PIP5K1C: variants seen among roughly 807,000 people sequenced by gnomAD.
PIP5K1C encodes phosphatidylinositol 4-phosphate 5-kinase type-1 gamma.
Under a neutral mutation model 80.1 loss-of-function variants are expected in PIP5K1C, and 45 were observed. That is an observed-to-expected ratio of 0.56 (90% CI 0.44 to 0.72). The LOEUF (loss-of-function observed/expected upper bound fraction) is 0.72. Ranked by LOEUF, PIP5K1C falls within the 30% of genes least tolerant of loss-of-function variation. The pLI is 0.00. For synonymous variants in PIP5K1C, 498 were observed against 420.1 expected (o/e 1.19, Z -2.27); for missense variants, 753 against 954.6 (o/e 0.79, Z 2.78).
intron 1 of PIP5K1C, among the ~76,000 whole-genome samples, chr19:3,672,262 T>C (rs1476797488): frequency 6.6e-6 from 1 of 152,194 alleles, no homozygotes; most frequent in African/African-American, 2.4e-5. Context: ...CACCCAGCTG[T>C]TCCCTGGCCT....
rs111966453 is a variant in PIP5K1C, at chr19:3,644,730, G to A, written c.1346-479C>T. Among the ~76,000 whole-genome samples the A allele has an allele frequency of 4.6e-3, 699 of 152,342 alleles. 7 individuals are homozygous for A. The highest frequency in any genetic ancestry group is 0.016 in the African/African-American group (670 of 41,578). ...GCTCACCCGCTGGCTGTGCGGCTCG[G>A]TCTCTCTGGGCCCTGGGGGCCGACC... is the stretch of plus-strand genomic sequence containing the variant. On this transcript the variant is annotated intron_variant, in intron 11 of 17. Coordinates refer to ENST00000335312, the MANE Select transcript of PIP5K1C (RefSeq NM_012398.3).
chr19:3,635,245 G>A (rs1435225514), intron 16 of PIP5K1C, among the ~76,000 whole-genome samples: 1 of 152,222 alleles, frequency 6.6e-6, no homozygotes, highest in African/African-American at 2.4e-5. Flanking sequence ...TTCTGCTACA[G>A]CATTAGAAAC....
chr19:3,661,822 A>C, intron 4 of PIP5K1C, 49 bp downstream of exon 4: 1 of 1,604,934 alleles, frequency 6.2e-7, no homozygotes, highest in Non-Finnish European at 8.5e-7. Flanking sequence ...TCCGCCTCAG[A>C]GCCACGTGTG....
At chr19:3,643,078 T>C (rs1286391085) in intron 13 of PIP5K1C, 139 bp from the exon 14 acceptor site, 26 of 1,452,262 alleles carry the variant, frequency 1.8e-5, no homozygotes, top group Admixed American at 8.7e-5. Context: ...CTCCCACACA[T>C]TGGATGCTCC....
At chr19:3,660,862 G>A (rs529973799) in intron 5 of PIP5K1C, 104 bp downstream of exon 5, 14 of 862,022 alleles carry the variant, frequency 1.6e-5, no homozygotes, top group South Asian at 1.1e-4. Context: ...CCCTACACGA[G>A]GAACCCAGGG....
intron 5 of PIP5K1C, 113 bp downstream of exon 5, chr19:3,660,853 C>G (rs941773308): frequency 1.0e-5 from 8 of 803,664 alleles, no homozygotes; most frequent in Non-Finnish European, 1.5e-5. Flanking sequence ...TGACCATAAC[C>G]CTACACGAGG....
At chr19:3,638,097 T>C (rs938492045) in intron 16 of PIP5K1C, 4 of 1,412,444 alleles carry the variant, frequency 2.8e-6, no homozygotes, top group Non-Finnish European at 3.7e-6. Context: ...CCAGCCCTCC[T>C]TCCCAGGGGG....
chr19:3,698,325 G>A (rs1349872939), intron 1 of PIP5K1C, among the ~76,000 whole-genome samples: 9 of 152,220 alleles, frequency 5.9e-5, no homozygotes, highest in African/African-American at 2.2e-4. Flanking sequence ...CTGAAGCCCG[G>A]GGAAGTGACG....
At chr19:3,677,973 GGAAT>G (rs2035427989) in intron 1 of PIP5K1C, among the ~76,000 whole-genome samples, 1 of 132,996 alleles carries the variant, frequency 7.5e-6, no homozygotes, top group Non-Finnish European at 1.6e-5. Flanking sequence ...GGAGGATGGA[GGAAT>G]AGAGGGAAGG....
rs1226212871 is a variant in PIP5K1C, at chr19:3,692,568, A to T, written c.94+7729T>A. On this transcript the variant is annotated intron_variant, in intron 1 of 17. Coordinates refer to ENST00000335312, the MANE Select transcript of PIP5K1C (RefSeq NM_012398.3). This position sits in a 1 kb window ranked among gnomAD's most constrained non-coding sequence, Gnocchi z 5.2. The stretch of plus-strand genomic sequence containing the variant: ...ATCCATCCCAGATGGCGCACTGCTC[A>T]TGGTCCCCACCTGGCCCAGCCCCAG... 6.6e-6 allele frequency among the ~76,000 whole-genome samples: 1 copy of T among 152,038 alleles called. No homozygotes were observed. The highest frequency in any genetic ancestry group is 1.5e-5 in the Non-Finnish European group (1 of 67,972).
At chr19:3,647,654 T>G (rs2034287726) in intron 9 of PIP5K1C, among the ~76,000 whole-genome samples, 1 of 152,116 alleles carries the variant, frequency 6.6e-6, no homozygotes, top group South Asian at 2.1e-4. Context: ...TTTTAAACAT[T>G]CTAGAGCCCC....
At chr19:3,638,764 C>T (rs2033817907) in intron 16 of PIP5K1C, 120 bp downstream of exon 16, 4 of 1,355,444 alleles carry the variant, frequency 3.0e-6, no homozygotes, top group East Asian at 2.3e-5. Flanking sequence ...GTGGGTGGGT[C>T]GACAGGGCAC....
At position 3,653,605 on chromosome 19, in the gene PIP5K1C, G is replaced by A. The variant is rs763096816; in HGVS notation, c.622-16C>T. 1 of 1,600,456 alleles carries A rather than the reference G, an allele frequency of 6.2e-7. No homozygotes were observed. The highest frequency in any genetic ancestry group is 2.2e-5 in the East Asian group (1 of 44,654). ...GGTTGAGGTTCTGCCGGGGGAAGAGGGCAAGTCGTGGAGGGCGGCTGGGCC... is the reference window on the plus strand; with the variant it reads ...GGTTGAGGTTCTGCCGGGGGAAGAGAGCAAGTCGTGGAGGGCGGCTGGGCC... On this transcript the variant is annotated splice_polypyrimidine_tract_variant and intron_variant, in intron 6 of 17. Transcript: ENST00000335312.
chr19:3,679,588 G>A (rs72982606), intron 1 of PIP5K1C, among the ~76,000 whole-genome samples: 3,636 of 152,296 alleles, frequency 0.024, 68 homozygotes, highest in Middle Eastern at 0.054. Flanking sequence ...CAGCAGCACC[G>A]GTGAATGGAG....
intron 1 of PIP5K1C, among the ~76,000 whole-genome samples, chr19:3,683,718 C>A (rs896660391): frequency 2.6e-5 from 4 of 152,130 alleles, no homozygotes; most frequent in African/African-American, 9.7e-5. Context: ...TGAGGAGGAG[C>A]CAGGCGGGGG....
intron 1 of PIP5K1C, among the ~76,000 whole-genome samples, chr19:3,672,112 G>A (rs2035225276): frequency 6.6e-6 from 1 of 152,200 alleles, no homozygotes; most frequent in South Asian, 2.1e-4. Context: ...TGGCTGCACG[G>A]TGACCTCATC....
At position 3,630,240 on chromosome 19, in the gene PIP5K1C, G is replaced by A. The variant is rs540459328; in HGVS notation, c.*2927C>T. 3 of 152,298 alleles carry A rather than the reference G, an allele frequency of 2.0e-5. No homozygotes were observed. The highest frequency in any genetic ancestry group is 4.4e-5 in the Non-Finnish European group (3 of 68,036). The allele number at this position is 152,298 out of a possible 1,614,324, so 9.4% of individuals were successfully genotyped here. Reference sequence around the variant, plus strand: ...AAAAAGACGGGGTGTGGCGGGGGTAGGTGGGCGAGGAACCTGGGATGCAAA... The same window carrying A: ...AAAAAGACGGGGTGTGGCGGGGGTAAGTGGGCGAGGAACCTGGGATGCAAA... On this transcript the variant is annotated 3_prime_UTR_variant, in exon 18 of 18. Coordinates refer to ENST00000335312, the MANE Select transcript of PIP5K1C (RefSeq NM_012398.3).
rs1005580661 is a variant in PIP5K1C, at chr19:3,637,284, A to C, written c.1920+1600T>G. ...AGCAGACCCTGGGCCTCAGCTGTGC[A>C]CCTGGTGATGGTGCTGCCCTATGGA... On this transcript the variant is annotated intron_variant, in intron 16 of 17. Coordinates refer to ENST00000335312, the MANE Select transcript of PIP5K1C (RefSeq NM_012398.3). This position sits in a 1 kb window ranked among gnomAD's most constrained non-coding sequence, Gnocchi z 7.0. 8.1e-6 allele frequency: 12 copies of C among 1,488,666 alleles called. No individual in the cohort carries two copies. The Middle Eastern group carries it at 5.2e-4, about 65-fold the overall frequency. 92.2% of individuals were successfully genotyped at this position (1,488,666 alleles called of 1,614,324 possible). A position where few individuals can be genotyped will look rare whatever the true frequency, so the allele number is the denominator to read the frequency against.
intron 10 of PIP5K1C, 122 bp downstream of exon 10, chr19:3,647,216 G>A (rs2034265269): frequency 6.0e-6 from 5 of 828,894 alleles, no homozygotes; most frequent in Non-Finnish European, 9.8e-6. Context: ...AGGAGGGATG[G>A]GAGGAGGGAT....
Sources: gnomAD v4.1 joint callset for allele counts (sites outside exome capture counted in the v4.1 genomes callset) on GRCh38, gnomAD v4.1.1 for gene constraint, Gnocchi (gnomAD v3.1) non-coding constraint, MANE v1.5 for transcripts, NCBI Gene and HGNC (gene_info 2026-07-23, HGNC 2026-07-21) for gene names.